RBL1: variants seen among roughly 807,000 people sequenced by gnomAD.
RBL1 encodes the protein retinoblastoma-like protein 1.
RBL1 carries 82 observed loss-of-function variants against 123.0 expected under a neutral mutation model. That is an observed-to-expected ratio of 0.67 (90% CI 0.56 to 0.80). The LOEUF (loss-of-function observed/expected upper bound fraction) is 0.80, where lower values mean the gene tolerates loss of function less well. Ranked by LOEUF, RBL1 falls within the 30% of genes least tolerant of loss-of-function variation. RBL1 has a pLI of 0.00. For missense variants in RBL1, 1,171 were observed against 1,299.6 expected (o/e 0.90, Z 1.52); for synonymous variants, 405 against 441.3 (o/e 0.92, Z 1.03).
chr20:37,020,522 C>G, intron 18 of RBL1, 137 bp downstream of exon 18: 2 of 655,622 alleles, frequency 3.1e-6, no homozygotes, highest in East Asian at 6.0e-5. Context: ...GAAATTATCT[C>G]TTGAGTTTAA....
chr20:37,025,818 C>T (rs2064410711), intron 16 of RBL1, among the ~76,000 whole-genome samples: 1 of 151,160 alleles, frequency 6.6e-6, no homozygotes, highest in Non-Finnish European at 1.5e-5. Flanking sequence ...TCTCGGCTCA[C>T]TGCAACCTCC....
chr20:37,043,158 G>A lies in RBL1; in HGVS notation c.1770+928C>T, dbSNP rs374101951. ...ATCCTGTCTCTACACACACATGCGC[G>A]CGTGCACACACACACACACACACAC... On this transcript the variant is annotated intron_variant, in intron 13 of 21. Transcript: ENST00000373664. Among the ~76,000 whole-genome samples the A allele has an allele frequency of 1.2e-3, 124 of 103,334 alleles. 1 individual carries two copies. Among genetic ancestry groups the A allele is most frequent in the Admixed American group, 6.1e-3 (67 of 11,024 alleles). 67.8% of individuals were successfully genotyped at this position (103,334 alleles called of 152,430 possible).
intron 14 of RBL1, among the ~76,000 whole-genome samples, chr20:37,038,774 T>C (rs568343336): frequency 6.6e-6 from 1 of 151,918 alleles, no homozygotes; most frequent in East Asian, 1.9e-4. Context: ...AGCTAATTTT[T>C]GTGTTTTTGG....
Position 37,032,712 on chromosome 20 carries a change from T to C in RBL1, c.2335A>G (p.Ile779Val), listed in dbSNP as rs767476228. 9 of 1,614,010 alleles carry C rather than the reference T, an allele frequency of 5.6e-6. No homozygotes were observed. In the South Asian group the frequency reaches 8.8e-5, roughly 16 times the overall value. Residue 779 changes from isoleucine to valine, a missense_variant, in exon 16 of 22, where the codon ATA becomes GTA. Ile to Val is a conservative substitution (Grantham distance 29). Transcript: ENST00000373664. Reference protein sequence around the residue: ...TKAQEVHSTGINRPKRTGSLA... With the variant: ...TKAQEVHSTGVNRPKRTGSLA... ...GACCCAGTTCTCTTTGGCCTGTTTA[T>C]TCCAGTTGAATGTACCTCTTGTGCT...
At chr20:37,038,241 C>T (rs1303930056) in intron 14 of RBL1, among the ~76,000 whole-genome samples, 4 of 151,206 alleles carry the variant, frequency 2.6e-5, no homozygotes, top group Non-Finnish European at 5.9e-5. Context: ...ATCCACCTGC[C>T]TCGGCCTCCC....
At chr20:37,022,561 A>T in intron 17 of RBL1, 89 bp downstream of exon 17, 5 of 1,242,112 alleles carry the variant, frequency 4.0e-6, no homozygotes, top group Non-Finnish European at 5.5e-6. Flanking sequence ...TCCTGGGCTC[A>T]AGCTATCTGC....
chr20:37,085,132 CTTTT>C (rs1212338574), intron 2 of RBL1, among the ~76,000 whole-genome samples: 1 of 132,976 alleles, frequency 7.5e-6, no homozygotes, highest in African/African-American at 2.8e-5. Context: ...CTTTTCTTTT[CTTTT>C]TTTTTTTTTT....
rs959153629 is a variant in RBL1, at chr20:36,996,767, A to C, written c.*1992T>G. 3.3e-5 allele frequency: 5 copies of C among 152,224 alleles called. No individual in the cohort carries two copies. The highest frequency in any genetic ancestry group is 6.5e-5 in the Admixed American group (1 of 15,272). 9.4% of individuals were successfully genotyped at this position (152,224 alleles called of 1,614,324 possible). ...GGTTTCTTATACAGTCAATGTACAA[A>C]TGCTCATTTATATTTTGCACAATAA... On this transcript the variant is annotated 3_prime_UTR_variant, in exon 22 of 22. Transcript: ENST00000373664.
intron 16 of RBL1, among the ~76,000 whole-genome samples, chr20:37,029,881 G>A: frequency 6.6e-6 from 1 of 152,160 alleles, no homozygotes; most frequent in East Asian, 1.9e-4. Flanking sequence ...TCTTAAGCAA[G>A]GACTTGTCTT....
chr20:37,045,204 T>G (rs1245501128), intron 12 of RBL1, among the ~76,000 whole-genome samples: 1 of 151,878 alleles, frequency 6.6e-6, no homozygotes, highest in Non-Finnish European at 1.5e-5. Flanking sequence ...CCTCCCAGGT[T>G]CAAGCGATTC....
At position 37,035,516 on chromosome 20, in the gene RBL1, A is replaced by C. The variant is rs1156527029; in HGVS notation, c.1904-8T>G. 6.5e-7 allele frequency: 1 copy of C among 1,538,602 alleles called. No homozygotes were observed. The highest frequency in any genetic ancestry group is 2.2e-5 in the Admixed American group (1 of 45,950). ...GAGACAATGGTTGCATATCTAAAAAAAAATAATAAATTTAAAACAGAAATG... is the reference window on the plus strand; with the variant it reads ...GAGACAATGGTTGCATATCTAAAAACAAATAATAAATTTAAAACAGAAATG... On this transcript the variant is annotated splice_polypyrimidine_tract_variant and splice_region_variant and intron_variant, in intron 14 of 21. Transcript: ENST00000373664.
At chr20:37,068,308 T>A in intron 2 of RBL1, 122 bp from the exon 3 acceptor site, 1 of 1,356,138 alleles carries the variant, frequency 7.4e-7, no homozygotes, top group Non-Finnish European at 9.8e-7. Context: ...CCAGGCAACA[T>A]AGTTAAGACC....
rs771390427 is a variant in RBL1 at position 36,999,453 on chromosome 20, C to CCT, written c.3037-526_3037-525dup. 9.1e-3 allele frequency among the ~76,000 whole-genome samples: 1,188 copies of CCT among 131,150 alleles called. 19 individuals carry two copies. Among genetic ancestry groups the CCT allele is most frequent in the African/African-American group, 0.038 (1,134 of 29,766 alleles). The allele number at this position is 131,150 out of a possible 152,430, so 86.0% of individuals were successfully genotyped here. ...CCCTCCTCTCCCTCTCCCTCCTCTC[C>CCT]CTCCCTCCTCTCCCTCTCCCTCCTC... On this transcript the variant is annotated intron_variant, in intron 21 of 21. Transcript: ENST00000373664.
intron 14 of RBL1, 105 bp from the exon 15 acceptor site, chr20:37,035,613 T>C: frequency 1.0e-6 from 1 of 978,542 alleles, no homozygotes; most frequent in Admixed American, 3.1e-5. Context: ...GGGCACTAGC[T>C]AGATATGAAT....
At chr20:37,095,329 C>T (rs1421024961) in intron 1 of RBL1, among the ~76,000 whole-genome samples, 2 of 152,154 alleles carry the variant, frequency 1.3e-5, no homozygotes, top group South Asian at 4.1e-4. Flanking sequence ...TAGCTTAACC[C>T]GTCTAGGGCT....
At chr20:37,024,576 T>C (rs1432633007) in intron 16 of RBL1, among the ~76,000 whole-genome samples, 2 of 152,188 alleles carry the variant, frequency 1.3e-5, no homozygotes, top group Non-Finnish European at 2.9e-5. Context: ...TCGTTATAAT[T>C]TACTCAATGA....
At chr20:37,002,336 GTTTTTTTT>G (rs965408801) in intron 21 of RBL1, among the ~76,000 whole-genome samples, 10 of 76,348 alleles carry the variant, frequency 1.3e-4, no homozygotes, top group East Asian at 1.4e-3. Flanking sequence ...AGCCTTATCT[GTTTTTTTT>G]TTTTTTTTTT....
At chr20:37,044,003 T>G in intron 13 of RBL1, 83 bp downstream of exon 13, 1 of 1,154,884 alleles carries the variant, frequency 8.7e-7, no homozygotes, top group Non-Finnish European at 1.2e-6. Flanking sequence ...GTGAACTCTA[T>G]GGTATAGGAA....
At chr20:37,019,027 A>C (rs1363897503) in intron 18 of RBL1, among the ~76,000 whole-genome samples, 1 of 151,952 alleles carries the variant, frequency 6.6e-6, no homozygotes, top group Non-Finnish European at 1.5e-5. Context: ...TCCTTACACA[A>C]CAATCAATTG....
Sources: allele counts gnomAD v4.1 joint callset (sites outside exome capture counted in the v4.1 genomes callset), GRCh38; gene constraint gnomAD v4.1.1; transcripts MANE v1.5; gene names NCBI Gene and HGNC (gene_info 2026-07-23, HGNC 2026-07-21).